DIAPH3: variants seen among roughly 807,000 people sequenced by gnomAD.
The protein encoded by DIAPH3 is protein diaphanous homolog 3.
DIAPH3 carries 117 observed loss-of-function variants against 144.3 expected under a neutral mutation model. The observed-to-expected ratio is 0.81, with a 90% CI of 0.70 to 0.95. DIAPH3 has a LOEUF of 0.95. DIAPH3 is among the 40% of genes least tolerant of loss of function. The pLI, the probability that DIAPH3 is intolerant of heterozygous loss-of-function variation, is 0.00. For missense variants in DIAPH3, 1,421 were observed against 1,412.7 expected, an observed-to-expected ratio of 1.01 and a Z score of -0.09; for synonymous variants, 519 against 488.9, an observed-to-expected ratio of 1.06 and a Z score of -0.81.
intron 27 of DIAPH3, among the ~76,000 whole-genome samples, chr13:59,764,361 A>G (rs1444121411): frequency 1.3e-5 from 2 of 151,528 alleles, no homozygotes; most frequent in Non-Finnish European, 1.5e-5. Context: ...TTTCAGCTCT[A>G]TGGCTCACTA....
chr13:59,973,124 C>G (rs2050483724), intron 15 of DIAPH3, among the ~76,000 whole-genome samples: 2 of 152,070 alleles, frequency 1.3e-5, no homozygotes, highest in African/African-American at 2.4e-5. Flanking sequence ...TAGGAGATTC[C>G]TTGATTTAAT....
At chr13:59,811,435 G>C (rs531629569) in intron 24 of DIAPH3, among the ~76,000 whole-genome samples, 1 of 152,100 alleles carries the variant, frequency 6.6e-6, no homozygotes, top group Non-Finnish European at 1.5e-5. Flanking sequence ...ATGTCGTAAA[G>C]GTAACTAAAG....
chr13:59,889,466 T>C (rs9570225), intron 20 of DIAPH3, among the ~76,000 whole-genome samples: 9,660 of 152,058 alleles, frequency 0.064, 458 homozygotes, highest in East Asian at 0.29. Context: ...TTTTTATAGT[T>C]TTCATTTCCC....
intron 5 of DIAPH3, chr13:60,020,896 G>A (rs538323575): frequency 6.6e-6 from 1 of 152,356 alleles, no homozygotes; most frequent in Admixed American, 6.5e-5. Context: ...TCTGCTGTCT[G>A]ACCTGAGTCT....
chr13:60,105,455 C>A (rs192879407), intron 3 of DIAPH3, among the ~76,000 whole-genome samples: 1 of 152,168 alleles, frequency 6.6e-6, no homozygotes, highest in Non-Finnish European at 1.5e-5. Flanking sequence ...ACACCTAAAT[C>A]ATTTATTTTC....
intron 15 of DIAPH3, among the ~76,000 whole-genome samples, chr13:59,973,549 G>T (rs2050507135): frequency 6.6e-6 from 1 of 152,008 alleles, no homozygotes; most frequent in African/African-American, 2.4e-5. Flanking sequence ...AATACTAACA[G>T]ATAGCTATCT....
intron 12 of DIAPH3, among the ~76,000 whole-genome samples, chr13:59,990,357 C>T (rs1016850355): frequency 5.3e-5 from 8 of 151,762 alleles, no homozygotes; most frequent in African/African-American, 1.7e-4. Context: ...CTAAAAAACT[C>T]TTCTACTTGA....
At chr13:59,991,094 T>C (rs1402760117) in intron 12 of DIAPH3, 64 bp downstream of exon 12, 3 of 1,045,868 alleles carry the variant, frequency 2.9e-6, no homozygotes, top group Non-Finnish European at 4.3e-6. Flanking sequence ...AAATATGATG[T>C]GAATTTCACA....
Position 59,810,815 on chromosome 13 carries a change from T to C in DIAPH3, c.3136A>G (p.Lys1046Glu). The C allele has an allele frequency of 6.2e-7, 1 of 1,613,640 alleles. No homozygotes were observed. The highest frequency in any genetic ancestry group is 8.5e-7 in the Non-Finnish European group (1 of 1,179,938). ...ERERLERQQK[K>E]KRLLEMKTEG... ...GTCTTCATTTCTAATAAACGCTTTT[T>C]CTTTTGTTGGCGTTCGAGTCTTTCT... Residue 1046 changes from lysine (K) to glutamate (E), a missense_variant, in exon 25 of 28, where the codon AAA becomes GAA. Lys to Glu is a moderately conservative substitution (Grantham distance 56, BLOSUM62 1). Transcript: ENST00000400324.
At position 59,810,781 on chromosome 13, in the gene DIAPH3, TACTC is replaced by T. The variant is rs2040429356; in HGVS notation, c.3163+3_3163+6del. On this transcript the variant is annotated splice_donor_5th_base_variant and intron_variant, in intron 25 of 27. Transcript: ENST00000400324. ...ATAGAATAAATAACAAATTTGATAG[TACTC>T]ACCAGTCTTCATTTCTAATAAACGC... The T allele has an allele frequency of 6.2e-7, 1 of 1,612,690 alleles. No homozygotes were observed. Among genetic ancestry groups the T allele is most frequent in the African/African-American group, 1.3e-5 (1 of 74,922 alleles).
chr13:60,071,784 G>A (rs974733482), intron 4 of DIAPH3, among the ~76,000 whole-genome samples: 8 of 152,162 alleles, frequency 5.3e-5, no homozygotes, highest in African/African-American at 1.7e-4. Flanking sequence ...AGAAATATGT[G>A]TGATTCCTTA....
chr13:59,898,946 A>G (rs1016366045), intron 20 of DIAPH3, among the ~76,000 whole-genome samples: 5 of 152,174 alleles, frequency 3.3e-5, no homozygotes, highest in Admixed American at 3.3e-4. Flanking sequence ...ATCAGCTGCT[A>G]GCATGGCTAG....
intron 22 of DIAPH3, among the ~76,000 whole-genome samples, chr13:59,851,341 T>C (rs2042956677): frequency 6.6e-6 from 1 of 152,168 alleles, no homozygotes; most frequent in Non-Finnish European, 1.5e-5. Flanking sequence ...AATAGTCTTC[T>C]CTCAAATACC....
chr13:59,733,057 TAAA>T (rs908940006), intron 27 of DIAPH3, among the ~76,000 whole-genome samples: 2 of 152,078 alleles, frequency 1.3e-5, no homozygotes, highest in African/African-American at 4.8e-5. Flanking sequence ...GAGTTGCAGT[TAAA>T]AAAGTTCGAA....
chr13:59,929,683 C>G (rs2047929737), intron 17 of DIAPH3, among the ~76,000 whole-genome samples: 1 of 150,424 alleles, frequency 6.6e-6, no homozygotes. Context: ...CTGCCTCGGC[C>G]TCCTGAGTAG....
intron 5 of DIAPH3, among the ~76,000 whole-genome samples, chr13:60,042,487 T>C (rs963469547): frequency 1.3e-5 from 2 of 150,650 alleles, no homozygotes; most frequent in Admixed American, 1.3e-4. Flanking sequence ...AAGGCTTTTT[T>C]ACAGTCCCTG....
intron 17 of DIAPH3, among the ~76,000 whole-genome samples, chr13:59,944,786 A>AG (rs1162933694): frequency 9.6e-6 from 1 of 104,058 alleles, no homozygotes; most frequent in Non-Finnish European, 2.3e-5. Flanking sequence ...TCTGTGTGTT[A>AG]GAAAAAAAGG....
chr13:59,848,195 C>T (rs552400898), intron 22 of DIAPH3, among the ~76,000 whole-genome samples: 76 of 152,160 alleles, frequency 5.0e-4, no homozygotes, highest in Admixed American at 1.8e-3. Context: ...TACACTTTTT[C>T]CTCAACAGAG....
intron 20 of DIAPH3, among the ~76,000 whole-genome samples, chr13:59,907,819 T>C (rs936418388): frequency 6.6e-6 from 1 of 152,180 alleles, no homozygotes; most frequent in Non-Finnish European, 1.5e-5. Context: ...ACATATACAT[T>C]TATGACTTAA....
Sources: gnomAD v4.1 joint callset for allele counts (sites outside exome capture counted in the v4.1 genomes callset) on GRCh38, gnomAD v4.1.1 for gene constraint, MANE v1.5 for transcripts, NCBI Gene and HGNC (gene_info 2026-07-23, HGNC 2026-07-21) for gene names.